Variants in SPAG16 observed in about 807,000 individuals in gnomAD.
SPAG16 encodes the protein sperm-associated antigen 16 protein.
A neutral mutation model predicts 80.4 loss-of-function variants in SPAG16; 86 were observed. The ratio of observed to expected loss-of-function variants is 1.07; its 90% confidence interval spans 0.90 to 1.28. The LOEUF (loss-of-function observed/expected upper bound fraction) is 1.28. SPAG16 is among the 50% of genes most tolerant of loss of function. The pLI is 0.00. For missense variants in SPAG16, 870 were observed against 765.3 expected (o/e 1.14, Z -1.61); for synonymous variants, 294 against 265.9 (o/e 1.11, Z -1.03).
chr2:213,831,900 T>C (rs2073682027), intron 10 of SPAG16, among the ~76,000 whole-genome samples: 1 of 152,174 alleles, frequency 6.6e-6, no homozygotes, highest in Admixed American at 6.5e-5. Context: ...ATAATGTGAC[T>C]AGTAAGAGAA....
chr2:213,670,066 C>T (rs911270661), intron 10 of SPAG16, among the ~76,000 whole-genome samples: 2 of 151,674 alleles, frequency 1.3e-5, no homozygotes, highest in East Asian at 1.9e-4. Context: ...GGCACGACCT[C>T]ACCTCACTGC....
At chr2:214,209,816 C>A (rs144131957) in intron 15 of SPAG16, among the ~76,000 whole-genome samples, 29 of 152,218 alleles carry the variant, frequency 1.9e-4, no homozygotes, top group African/African-American at 7.0e-4. Flanking sequence ...AATAAGGTTA[C>A]ATAATTGATT....
chr2:213,852,224 A>G (rs905598074), intron 10 of SPAG16, among the ~76,000 whole-genome samples: 2 of 152,222 alleles, frequency 1.3e-5, no homozygotes, highest in African/African-American at 4.8e-5. Flanking sequence ...TGCCATGATG[A>G]TGAGGAGCCG....
chr2:214,301,805 C>T (rs1694572262), intron 15 of SPAG16, among the ~76,000 whole-genome samples: 1 of 151,242 alleles, frequency 6.6e-6, no homozygotes, highest in African/African-American at 2.4e-5. Flanking sequence ...ATTATTATCT[C>T]TTCTTCTGCT....
chr2:214,405,984 A>C (rs1281239369), intron 15 of SPAG16, among the ~76,000 whole-genome samples: 1 of 152,200 alleles, frequency 6.6e-6, no homozygotes, highest in Non-Finnish European at 1.5e-5. Flanking sequence ...ATGACAAAGA[A>C]ATGGGCTCAA....
chr2:213,509,243 G>A (rs1203463416), intron 10 of SPAG16, among the ~76,000 whole-genome samples: 4 of 151,940 alleles, frequency 2.6e-5, no homozygotes, highest in African/African-American at 7.3e-5. Flanking sequence ...TGATCCACCC[G>A]CCTCGGCCTC....
At chr2:214,247,470 G>A (rs1055866034) in intron 15 of SPAG16, among the ~76,000 whole-genome samples, 7 of 152,072 alleles carry the variant, frequency 4.6e-5, no homozygotes, top group African/African-American at 1.7e-4. Context: ...CCCCATAGTA[G>A]ATGGTCAGTA....
intron 5 of SPAG16, among the ~76,000 whole-genome samples, chr2:213,331,512 A>G (rs903376530): frequency 6.6e-6 from 1 of 152,210 alleles, no homozygotes; most frequent in Non-Finnish European, 1.5e-5. Context: ...TCAACATCCC[A>G]TTTTCAGTAT....
chr2:213,705,213 G>T (rs549905109), intron 10 of SPAG16, among the ~76,000 whole-genome samples: 3 of 151,712 alleles, frequency 2.0e-5, no homozygotes, highest in Non-Finnish European at 4.4e-5. Flanking sequence ...GTGCCACTGC[G>T]CTCCAGCCTG....
chr2:214,355,905 C>T (rs1281815337), intron 15 of SPAG16, among the ~76,000 whole-genome samples: 3 of 150,086 alleles, frequency 2.0e-5, no homozygotes, highest in Admixed American at 6.7e-5. Flanking sequence ...TCATCATTCT[C>T]AGTAAACTAT....
chr2:214,067,816 G>A (rs2050602941), intron 13 of SPAG16, among the ~76,000 whole-genome samples: 1 of 151,886 alleles, frequency 6.6e-6, no homozygotes, highest in Non-Finnish European at 1.5e-5. Flanking sequence ...TACTTTTTGG[G>A]CCCCTACTTT....
chr2:213,721,807 T>C (rs1175741819), intron 10 of SPAG16, among the ~76,000 whole-genome samples: 2 of 152,228 alleles, frequency 1.3e-5, no homozygotes, highest in Non-Finnish European at 2.9e-5. Context: ...GCATTCATTA[T>C]GTTAATGATT....
intron 10 of SPAG16, among the ~76,000 whole-genome samples, chr2:213,712,950 T>C (rs1264995986): frequency 2.0e-5 from 3 of 151,942 alleles, no homozygotes; most frequent in Non-Finnish European, 4.4e-5. Context: ...GAAAAGAGGT[T>C]TAATGGACTC....
intron 10 of SPAG16, among the ~76,000 whole-genome samples, chr2:213,766,942 T>C (rs771407611): frequency 1.9e-4 from 29 of 152,326 alleles, no homozygotes; most frequent in Non-Finnish European, 3.8e-4. Flanking sequence ...GCCTGCCGGG[T>C]AAAACCTTAG....
intron 6 of SPAG16, among the ~76,000 whole-genome samples, chr2:213,349,094 A>T (rs2065180313): frequency 6.6e-6 from 1 of 152,250 alleles, no homozygotes; most frequent in Non-Finnish European, 1.5e-5. Flanking sequence ...TTGGAAATTA[A>T]GTAGTATACT....
chr2:214,149,154 A>AT lies in SPAG16; in HGVS notation c.1609dup (p.Ser537PhefsTer3). 6.3e-7 allele frequency: 1 copy of AT among 1,576,850 alleles called. No individual in the cohort carries two copies. Among genetic ancestry groups the AT allele is most frequent in the African/African-American group, 1.4e-5 (1 of 73,662 alleles). On this transcript the variant is annotated frameshift_variant, in exon 15 of 16. Transcript: ENST00000331683. LOFTEE classifies it high-confidence loss of function. ...ATATTTTGAAGGGTCACATGATAGC[A>AT]TCCTGTGATGCCTGTGGGGTTACAA...
intron 12 of SPAG16, among the ~76,000 whole-genome samples, chr2:213,970,615 G>C (rs1177581205): frequency 1.3e-5 from 2 of 152,160 alleles, no homozygotes; most frequent in Non-Finnish European, 2.9e-5. Flanking sequence ...AATGCTAAAA[G>C]TTTATAACAG....
intron 9 of SPAG16, among the ~76,000 whole-genome samples, chr2:213,387,431 C>CTTTTT (rs71060428): frequency 0.021 from 998 of 47,702 alleles, 167 homozygotes; most frequent in East Asian, 0.078. Context: ...AATGCATGCT[C>CTTTTT]TTTTTTTTTT....
intron 13 of SPAG16, among the ~76,000 whole-genome samples, chr2:214,081,833 T>C (rs1048462923): frequency 5.5e-5 from 5 of 90,740 alleles, no homozygotes; most frequent in Non-Finnish European, 1.4e-4. Context: ...CTCCTACTCA[T>C]TGTATTTTTT....
Sources: gnomAD v4.1 joint callset for allele counts (sites outside exome capture counted in the v4.1 genomes callset) on GRCh38, gnomAD v4.1.1 for gene constraint, MANE v1.5 for transcripts, NCBI Gene and HGNC (gene_info 2026-07-23, HGNC 2026-07-21) for gene names.